The following AHI1 variants were observed in gnomAD, a reference collection of about 807,000 sequenced individuals.
AHI1 encodes Abelson helper integration site 1.
A neutral mutation model predicts 149.3 loss-of-function variants in AHI1; 123 were observed. That is an observed-to-expected ratio of 0.82 (90% CI 0.71 to 0.96). The LOEUF is 0.96. AHI1 is among the 40% of genes least tolerant of loss of function. The pLI is 0.00. For missense variants in AHI1, 1,439 were observed against 1,422.7 expected (o/e 1.01, Z -0.18); for synonymous variants, 475 against 459.8 (o/e 1.03, Z -0.42).
At chr6:135,403,290 TAA>T (rs1320940208) in intron 22 of AHI1, among the ~76,000 whole-genome samples, 1 of 152,164 alleles carries the variant, frequency 6.6e-6, no homozygotes, top group Non-Finnish European at 1.5e-5. Flanking sequence ...CTGTATATTT[TAA>T]AAGAGTGGGC....
rs183008322 is a variant in AHI1 at position 135,478,705 on chromosome 6, C to T, written c.136-11071G>A. Among the ~76,000 whole-genome samples, 140 of 152,296 alleles carry T rather than the reference C, an allele frequency of 9.2e-4. 2 individuals are homozygous for T. Among genetic ancestry groups the T allele is most frequent in the African/African-American group, 3.0e-3 (123 of 41,558 alleles). On this transcript the variant is annotated intron_variant, in intron 5 of 28. Coordinates refer to ENST00000265602, the MANE Select transcript of AHI1 (RefSeq NM_001134831.2). The stretch of plus-strand genomic sequence containing the variant: ...GAATTCTAGGCTGCAGAAATGTGCA[C>T]AAATAAAGAAAAGCCAAATGTTAAT...
At chr6:135,489,820 C>G (rs1044218871) in intron 5 of AHI1, 3 of 178,360 alleles carry the variant, frequency 1.7e-5, no homozygotes, top group African/African-American at 7.4e-5. Flanking sequence ...CTAAAATGAA[C>G]AGGTCTTAAG....
At chr6:135,385,654 G>A (rs914132374) in intron 23 of AHI1, among the ~76,000 whole-genome samples, 4 of 152,210 alleles carry the variant, frequency 2.6e-5, no homozygotes, top group African/African-American at 9.7e-5. Flanking sequence ...TATGAAACCT[G>A]TGAATTTGGA....
chr6:135,318,448 AAAGT>A, intron 26 of AHI1, 67 bp downstream of exon 26: 1 of 987,688 alleles, frequency 1.0e-6, no homozygotes, highest in South Asian at 1.5e-5. Flanking sequence ...CATAAAAAAT[AAAGT>A]AATATTTTAT....
chr6:135,484,051 AGG>A (rs1304064787), intron 5 of AHI1, among the ~76,000 whole-genome samples: 100 of 152,100 alleles, frequency 6.6e-4, no homozygotes, highest in African/African-American at 2.2e-3. Context: ...TCATGGTGGA[AGG>A]CAAGGTGGAG....
At chr6:135,439,591 G>T (rs532673370) in intron 14 of AHI1, among the ~76,000 whole-genome samples, 2 of 152,312 alleles carry the variant, frequency 1.3e-5, no homozygotes, top group South Asian at 2.1e-4. Flanking sequence ...ATATGTTGAG[G>T]TTGCTAGGAT....
At chr6:135,438,272 G>C (rs909467875) in intron 15 of AHI1, 103 bp downstream of exon 15, 48 of 1,133,746 alleles carry the variant, frequency 4.2e-5, no homozygotes, top group Non-Finnish European at 5.2e-5. Context: ...CCCTTCTTGG[G>C]AAAATACGAC....
intron 3 of AHI1, among the ~76,000 whole-genome samples, chr6:135,493,417 T>A (rs1214574041): frequency 6.6e-6 from 1 of 152,212 alleles, no homozygotes; most frequent in Non-Finnish European, 1.5e-5. Flanking sequence ...CCTAACTATG[T>A]CAGTTAACTT....
At chr6:135,309,785 G>A (rs1215264732) in intron 26 of AHI1, among the ~76,000 whole-genome samples, 1 of 151,926 alleles carries the variant, frequency 6.6e-6, no homozygotes, top group African/African-American at 2.4e-5. Context: ...CCCGCCCGCA[G>A]GTTAGTTTTA....
chr6:135,493,903 C>T (rs772597414), intron 3 of AHI1, among the ~76,000 whole-genome samples: 12 of 152,046 alleles, frequency 7.9e-5, no homozygotes, highest in South Asian at 2.1e-4. Context: ...CTTAGTCAGG[C>T]GTGGTGGTGG....
intron 7 of AHI1, among the ~76,000 whole-genome samples, chr6:135,463,805 G>A (rs140890069): frequency 4.3e-4 from 65 of 151,892 alleles, no homozygotes; most frequent in African/African-American, 1.5e-3. Context: ...AAGTTGGAGT[G>A]CAGTGGTACA....
rs1243622627 is a variant in AHI1 at position 135,427,150 on chromosome 6, T to C, written c.2764+17A>G. The C allele has an allele frequency of 1.9e-6, 3 of 1,605,206 alleles. No individual in the cohort carries two copies. The highest frequency in any genetic ancestry group is 2.6e-6 in the Non-Finnish European group (3 of 1,175,070). On this transcript the variant is annotated intron_variant, in intron 20 of 28. Transcript: ENST00000265602. ...GGTTACTCTAAAAATTCTTTACTTA[T>C]CAAGTGGTAGACTTACCATGGAAAT... is the stretch of plus-strand genomic sequence containing the variant.
rs114407050 is a variant in AHI1, at chr6:135,428,340, C to T, written c.2623+289G>A. ...GTACTTTGTGTTAGCCTCCATTAAA[C>T]GCTTTTCTAAGATCAGCAATGTCTC... is the stretch of plus-strand genomic sequence containing the variant. On this transcript the variant is annotated intron_variant, in intron 19 of 28. Coordinates refer to ENST00000265602, the MANE Select transcript of AHI1 (RefSeq NM_001134831.2). 9.6e-3 allele frequency among the ~76,000 whole-genome samples: 1,451 copies of T among 151,662 alleles called. 34 individuals are homozygous for T. The highest frequency in any genetic ancestry group is 0.033 in the African/African-American group (1,388 of 41,480).
chr6:135,479,888 TCTC>T (rs1341093121), intron 5 of AHI1, among the ~76,000 whole-genome samples: 1 of 152,082 alleles, frequency 6.6e-6, no homozygotes, highest in Non-Finnish European at 1.5e-5. Context: ...TCTCATGAGT[TCTC>T]CTGAGATCCT....
chr6:135,326,503 G>A (rs1787709994), intron 24 of AHI1, among the ~76,000 whole-genome samples: 1 of 152,048 alleles, frequency 6.6e-6, no homozygotes, highest in Admixed American at 6.6e-5. Context: ...ATTGTACAGT[G>A]GTGAAGTCTG....
At chr6:135,473,063 C>T (rs960320960) in intron 5 of AHI1, among the ~76,000 whole-genome samples, 1 of 152,058 alleles carries the variant, frequency 6.6e-6, no homozygotes, top group Non-Finnish European at 1.5e-5. Flanking sequence ...TACAATTATC[C>T]TATGTTTCTC....
chr6:135,290,913 A>ACACACACACACACACAC (rs1782272307), intron 27 of AHI1, among the ~76,000 whole-genome samples: 1 of 146,178 alleles, frequency 6.8e-6, no homozygotes, highest in African/African-American at 2.5e-5. Context: ...AACACACACA[A>ACACACACACACACACAC]ACACACACAC....
At chr6:135,383,810 G>A (rs1279279205) in intron 23 of AHI1, among the ~76,000 whole-genome samples, 2 of 152,112 alleles carry the variant, frequency 1.3e-5, no homozygotes, top group East Asian at 1.9e-4. Context: ...CTATATTAAT[G>A]TAGTCATATC....
chr6:135,333,937 T>C (rs974270280), intron 24 of AHI1, among the ~76,000 whole-genome samples: 5 of 152,236 alleles, frequency 3.3e-5, no homozygotes, highest in African/African-American at 1.2e-4. Flanking sequence ...TTGGATAACA[T>C]CATAGCTTTA....
Sources: allele counts gnomAD v4.1 joint callset (sites outside exome capture counted in the v4.1 genomes callset), GRCh38; gene constraint gnomAD v4.1.1; transcripts MANE v1.5; gene names NCBI Gene and HGNC (gene_info 2026-07-23, HGNC 2026-07-21).